Variants in SUFU observed in about 807,000 individuals in gnomAD.
SUFU encodes SUFU negative regulator of hedgehog signaling.
Under a neutral mutation model 58.9 loss-of-function variants are expected in SUFU, and 7 were observed. The observed-to-expected ratio is 0.12, with a 90% CI of 0.07 to 0.22. The LOEUF is 0.22. Ranked by LOEUF, SUFU falls within the 10% of genes least tolerant of loss-of-function variation. The pLI is 1.00. For synonymous variants in SUFU, 232 were observed against 254.8 expected, an observed-to-expected ratio of 0.91 and a Z score of 0.85; for missense variants, 451 against 641.3, an observed-to-expected ratio of 0.70 and a Z score of 3.20.
At chr10:102,588,056 A>G (rs541868778) in intron 3 of SUFU, among the ~76,000 whole-genome samples, 3 of 152,310 alleles carry the variant, frequency 2.0e-5, no homozygotes, top group Admixed American at 1.3e-4. Context: ...GCATTTGCTG[A>G]AAAGACTATT....
Position 102,628,854 on chromosome 10 carries a change from A to G in SUFU, c.1366-1212A>G, listed in dbSNP as rs2135957098. Reference sequence around the variant, plus strand: ...CTGCCCTGACTTCCGGCCTAGCCAAATTAGAAAAGACAGACCCTGGGCCGG... The same window carrying G: ...CTGCCCTGACTTCCGGCCTAGCCAAGTTAGAAAAGACAGACCCTGGGCCGG... On this transcript the variant is annotated intron_variant, in intron 11 of 11. Coordinates refer to ENST00000369902, the MANE Select transcript of SUFU (RefSeq NM_016169.4). This position sits in a 1 kb window ranked among gnomAD's most constrained non-coding sequence, Gnocchi z 4.5. Among the ~76,000 whole-genome samples, 4 of 152,200 alleles carry G rather than the reference A, an allele frequency of 2.6e-5. No individual in the cohort carries two copies. In the Middle Eastern group the frequency reaches 0.01, roughly 388 times the overall value.
intron 2 of SUFU, among the ~76,000 whole-genome samples, chr10:102,516,768 G>A (rs1349682551): frequency 3.3e-5 from 5 of 151,860 alleles, no homozygotes; most frequent in African/African-American, 9.7e-5. Context: ...GGATGGTCTC[G>A]ATCTCTTGAC....
chr10:102,616,742 CT>C lies in SUFU; in HGVS notation c.1158-539del, dbSNP rs1036570463. ...CACTTGGCTTCAGCTTGCTTGCTTG[CT>C]TTTTTTTTAAAGATGTGCTGTGGCC... is the stretch of plus-strand genomic sequence containing the variant. On this transcript the variant is annotated intron_variant, in intron 9 of 11. Transcript: ENST00000369902. Among the ~76,000 whole-genome samples, 31 of 151,730 alleles carry C rather than the reference CT, an allele frequency of 2.0e-4. No individual in the cohort carries two copies. In the East Asian group the frequency reaches 6.0e-3, roughly 29 times the overall value.
intron 3 of SUFU, among the ~76,000 whole-genome samples, chr10:102,562,277 C>T (rs1254911895): frequency 6.6e-6 from 1 of 152,120 alleles, no homozygotes; most frequent in Non-Finnish European, 1.5e-5. Context: ...GTAATCCCAG[C>T]ACTTTGGGAG....
intron 2 of SUFU, among the ~76,000 whole-genome samples, chr10:102,533,641 C>T (rs568298938): frequency 1.4e-4 from 21 of 152,244 alleles, no homozygotes; most frequent in Non-Finnish European, 2.6e-4. Flanking sequence ...AGGCCATGTC[C>T]ATTCCTTAGC....
At chr10:102,584,881 G>A (rs1393447196) in intron 3 of SUFU, among the ~76,000 whole-genome samples, 1 of 152,236 alleles carries the variant, frequency 6.6e-6, no homozygotes, top group Admixed American at 6.5e-5. Context: ...CATCATCACT[G>A]ACGTACTGTG....
chr10:102,625,792 C>T lies in SUFU; in HGVS notation c.1297-1383C>T, dbSNP rs1488511157. ...TTATTTCTCACTCCCTCCTCCACCC[C>T]GTCCACTTCTTGCTTTAGAGACCTC... On this transcript the variant is annotated intron_variant, in intron 10 of 11. Transcript: ENST00000369902. This position sits in a 1 kb window ranked among gnomAD's most constrained non-coding sequence, Gnocchi z 4.7. 2.0e-5 allele frequency among the ~76,000 whole-genome samples: 3 copies of T among 152,204 alleles called. No homozygotes were observed. The highest frequency in any genetic ancestry group is 6.5e-5 in the Admixed American group (1 of 15,286).
intron 2 of SUFU, among the ~76,000 whole-genome samples, chr10:102,511,344 G>T (rs564046360): frequency 1.1e-4 from 17 of 151,614 alleles, no homozygotes; most frequent in African/African-American, 3.4e-4. Flanking sequence ...TCCTCTTCTG[G>T]TTTTTGCCTT....
intron 3 of SUFU, among the ~76,000 whole-genome samples, chr10:102,572,421 A>C (rs1590042611): frequency 1.0e-4 from 12 of 115,372 alleles, no homozygotes; most frequent in Admixed American, 2.2e-4. Context: ...ACAGAGTCTC[A>C]CTCTATTGCC....
At chr10:102,618,532 A>G (rs1489787888) in intron 10 of SUFU, 1 of 153,198 alleles carries the variant, frequency 6.5e-6, no homozygotes, top group Non-Finnish European at 1.5e-5. Flanking sequence ...GCCGAGATAG[A>G]AATGGAAGCT....
At chr10:102,512,327 T>C (rs1376475666) in intron 2 of SUFU, among the ~76,000 whole-genome samples, 1 of 152,240 alleles carries the variant, frequency 6.6e-6, no homozygotes, top group African/African-American at 2.4e-5. Context: ...ATATTTTTAA[T>C]AAGAACCTGC....
At chr10:102,505,973 G>A (rs927273855) in intron 1 of SUFU, among the ~76,000 whole-genome samples, 3 of 149,808 alleles carry the variant, frequency 2.0e-5, no homozygotes, top group African/African-American at 7.4e-5. Context: ...AGGCCTTGAG[G>A]ATCCCTTGAG....
rs1438134914 is a variant in SUFU at position 102,514,051 on chromosome 10, A to AT, written c.317+4761dup. 7.0e-3 allele frequency among the ~76,000 whole-genome samples: 1,012 copies of AT among 145,600 alleles called. 6 individuals are homozygous for AT. Among genetic ancestry groups the AT allele is most frequent in the Non-Finnish European group, 9.0e-3 (592 of 65,698 alleles). On this transcript the variant is annotated intron_variant, in intron 2 of 11. Transcript: ENST00000369902. ...AGGCATGCACCACCACACCCGGCAA[A>AT]TTTTTTTTTTTTTATTGTTGACACG... is the stretch of plus-strand genomic sequence containing the variant.
At chr10:102,556,757 G>GAGAGAGGAAGGA (rs2062983987) in intron 3 of SUFU, among the ~76,000 whole-genome samples, 1 of 138,514 alleles carries the variant, frequency 7.2e-6, no homozygotes, top group African/African-American at 2.7e-5. Flanking sequence ...AAAAGGAAGG[G>GAGAGAGGAAGGA]AGGGAGGAAG....
In SUFU at chr10:102,592,569, A is replaced by T. The variant is rs1242692528; in HGVS notation, c.455-13A>T. 1 of 1,613,918 alleles carries T rather than the reference A, an allele frequency of 6.2e-7. No homozygotes were observed. Among genetic ancestry groups the T allele is most frequent in the South Asian group, 1.1e-5 (1 of 91,078 alleles). On this transcript the variant is annotated splice_polypyrimidine_tract_variant and intron_variant, in intron 3 of 11. Transcript: ENST00000369902. ...GGCCTTGAACAATGAGGATCCTTGT[A>T]TCTCTCCCACAGAGAACACCTTCTG...
At chr10:102,546,661 C>G (rs2062859153) in intron 2 of SUFU, among the ~76,000 whole-genome samples, 1 of 152,238 alleles carries the variant, frequency 6.6e-6, no homozygotes, top group Non-Finnish European at 1.5e-5. Flanking sequence ...GACCTTGTCA[C>G]TTGGTGATTG....
Position 102,630,072 on chromosome 10 carries a change from C to T in SUFU, c.1372C>T (p.Leu458Phe). 2 of 1,614,196 alleles carry T rather than the reference C, an allele frequency of 1.2e-6. No homozygotes were observed. The highest frequency in any genetic ancestry group is 8.5e-7 in the Non-Finnish European group (1 of 1,180,010). Residue 458 changes from leucine (L) to phenylalanine (F), a missense_variant, in exon 12 of 12, where the codon CTT (leucine) becomes TTT (phenylalanine). Coordinates refer to ENST00000369902, the MANE Select transcript of SUFU (RefSeq NM_016169.4). Reference protein sequence around the residue: ...EDLTSPEEFKLPKEYSWPEKK... With the variant: ...EDLTSPEEFKFPKEYSWPEKK... ...GTGCTTGCTCCCTCCACAGTTCAAA[C>T]TTCCCAAAGAGTACAGCTGGCCTGA...
chr10:102,531,994 G>A (rs913737459), intron 2 of SUFU, among the ~76,000 whole-genome samples: 44 of 150,210 alleles, frequency 2.9e-4, no homozygotes, highest in Admixed American at 2.9e-3. Context: ...TTGCTCTGTT[G>A]CCCAGGCTGG....
In SUFU at chr10:102,592,501, T is replaced by C; in HGVS notation, c.455-81T>C. On this transcript the variant is annotated intron_variant, in intron 3 of 11. Transcript: ENST00000369902. Reference sequence around the variant, plus strand: ...TAAGAGGCTGGGAAGCCTCCCAGCCTGGGCTAGTGAGATCCCAGCCCAGAT... The same window carrying C: ...TAAGAGGCTGGGAAGCCTCCCAGCCCGGGCTAGTGAGATCCCAGCCCAGAT... 3.2e-6 allele frequency: 5 copies of C among 1,573,680 alleles called. No homozygotes were observed. In the South Asian group the frequency reaches 4.5e-5, roughly 14 times the overall value.
Sources: gnomAD v4.1 joint callset for allele counts (sites outside exome capture counted in the v4.1 genomes callset) on GRCh38, gnomAD v4.1.1 for gene constraint, Gnocchi (gnomAD v3.1) non-coding constraint, MANE v1.5 for transcripts, NCBI Gene and HGNC (gene_info 2026-07-23, HGNC 2026-07-21) for gene names.